Variants in CSMD3 observed in about 807,000 individuals in gnomAD.
CSMD3 encodes the protein CUB and sushi domain-containing protein 3.
A neutral mutation model predicts 435.2 loss-of-function variants in CSMD3; 177 were observed. The observed-to-expected ratio is 0.41, with a 90% CI of 0.36 to 0.46. The LOEUF is 0.46. Among genes scored for constraint, CSMD3 ranks in the 20% least tolerant of loss-of-function variants. The probability of loss-of-function intolerance (pLI) is 0.34; values close to 1 mark genes in which losing one functional copy is unlikely to be tolerated. For missense variants in CSMD3, 4,265 were observed against 4,504.6 expected, an observed-to-expected ratio of 0.95 and a Z score of 1.52; for synonymous variants, 1,656 against 1,520.5, an observed-to-expected ratio of 1.09 and a Z score of -2.07.
intron 3 of CSMD3, among the ~76,000 whole-genome samples, chr8:113,259,456 T>C (rs1200953875): frequency 6.6e-6 from 1 of 152,172 alleles, no homozygotes; most frequent in African/African-American, 2.4e-5. Context: ...AGAATTTATT[T>C]TGAATGACTC....
intron 7 of CSMD3, among the ~76,000 whole-genome samples, chr8:112,969,339 A>G (rs2084553131): frequency 6.6e-6 from 1 of 152,032 alleles, no homozygotes; most frequent in Admixed American, 6.6e-5. Flanking sequence ...TGCTGAATTA[A>G]CCATTCTTAC....
chr8:113,135,342 T>TA, intron 4 of CSMD3, among the ~76,000 whole-genome samples: 1 of 152,060 alleles, frequency 6.6e-6, no homozygotes, highest in South Asian at 2.1e-4. Context: ...ACAATTTAAA[T>TA]AATGTGTCAG....
chr8:112,912,742 C>A (rs138132242), intron 10 of CSMD3, among the ~76,000 whole-genome samples: 2 of 151,848 alleles, frequency 1.3e-5, no homozygotes, highest in Admixed American at 1.3e-4. Flanking sequence ...AGAGCTTCTG[C>A]ACGGCAAAGG....
At chr8:112,374,319 T>C (rs1400718792) in intron 38 of CSMD3, among the ~76,000 whole-genome samples, 1 of 152,156 alleles carries the variant, frequency 6.6e-6, no homozygotes, top group Non-Finnish European at 1.5e-5. Flanking sequence ...TCTCCCCTAT[T>C]ACCTCTCTTT....
chr8:113,178,544 A>G (rs569043482), intron 3 of CSMD3, among the ~76,000 whole-genome samples: 14 of 152,070 alleles, frequency 9.2e-5, no homozygotes, highest in African/African-American at 3.4e-4. Flanking sequence ...GACATGTGGC[A>G]GAAACGAAAC....
intron 10 of CSMD3, among the ~76,000 whole-genome samples, chr8:112,863,688 T>C (rs920617597): frequency 1.3e-5 from 2 of 152,144 alleles, no homozygotes; most frequent in Admixed American, 1.3e-4. Flanking sequence ...GTATTCAATT[T>C]TATTGAGTTC....
rs767361730 is a variant in CSMD3, at chr8:113,278,584, T to A, written c.514+8A>T. 1.5e-6 allele frequency: 2 copies of A among 1,346,076 alleles called. No homozygotes were observed. Among genetic ancestry groups the A allele is most frequent in the African/African-American group, 2.9e-5 (2 of 69,628 alleles). The allele number at this position is 1,346,076 out of a possible 1,614,324, so 83.4% of individuals were successfully genotyped here. On this transcript the variant is annotated splice_region_variant and intron_variant, in intron 3 of 70. Transcript: ENST00000297405. The stretch of plus-strand genomic sequence containing the variant: ...GGCAGTGGTTTGTTTGCCACTACCA[T>A]CACTTACCTTCGTAATATACCTTAA...
At chr8:112,380,317 T>C in intron 38 of CSMD3, 35 bp downstream of exon 38, 1 of 1,135,488 alleles carries the variant, frequency 8.8e-7, no homozygotes, top group Non-Finnish European at 1.3e-6. Flanking sequence ...AACTTGTTCT[T>C]AACCTTTTTG....
intron 1 of CSMD3, among the ~76,000 whole-genome samples, chr8:113,338,602 A>G (rs1230855018): frequency 6.6e-6 from 1 of 152,006 alleles, no homozygotes. Context: ...ACATTATGCC[A>G]AGTGGAATTA....
intron 13 of CSMD3, among the ~76,000 whole-genome samples, chr8:112,727,921 T>C (rs1259247662): frequency 6.6e-6 from 1 of 151,908 alleles, no homozygotes; most frequent in Non-Finnish European, 1.5e-5. Context: ...TAATTAAATC[T>C]TAGTGTCTAA....
intron 35 of CSMD3, among the ~76,000 whole-genome samples, chr8:112,393,961 C>T (rs973267759): frequency 6.6e-6 from 1 of 151,988 alleles, no homozygotes; most frequent in African/African-American, 2.4e-5. Context: ...CACTGTCCCC[C>T]CTTCCATGTC....
intron 44 of CSMD3, 119 bp downstream of exon 44, chr8:112,336,533 T>A: frequency 1.2e-6 from 1 of 814,132 alleles, no homozygotes; most frequent in East Asian, 2.5e-5. Flanking sequence ...CCTCAGTTAC[T>A]CACATCAATT....
intron 59 of CSMD3, among the ~76,000 whole-genome samples, chr8:112,278,270 T>G (rs1165997044): frequency 6.6e-6 from 1 of 152,290 alleles, no homozygotes; most frequent in South Asian, 2.1e-4. Flanking sequence ...GGCTAGAGAG[T>G]GCTTGGTGCT....
intron 13 of CSMD3, among the ~76,000 whole-genome samples, chr8:112,766,781 C>T (rs1563940130): frequency 6.6e-6 from 1 of 151,814 alleles, no homozygotes; most frequent in Non-Finnish European, 1.5e-5. Context: ...AGAAACAGAA[C>T]TTATGTTCCA....
intron 30 of CSMD3, among the ~76,000 whole-genome samples, chr8:112,495,677 A>G (rs1369946582): frequency 1.3e-5 from 2 of 152,134 alleles, no homozygotes; most frequent in Non-Finnish European, 2.9e-5. Flanking sequence ...CAGTAGCTGG[A>G]AAGTGATTTT....
At chr8:112,335,237 T>C (rs1275602602) in intron 45 of CSMD3, 92 bp downstream of exon 45, 14 of 1,264,264 alleles carry the variant, frequency 1.1e-5, no homozygotes, top group Non-Finnish European at 7.9e-6. Flanking sequence ...TAATACCTTT[T>C]CAATCATTGG....
intron 31 of CSMD3, among the ~76,000 whole-genome samples, chr8:112,478,990 C>T (rs963898385): frequency 5.9e-5 from 9 of 152,180 alleles, no homozygotes; most frequent in African/African-American, 1.4e-4. Context: ...CCTGCATCCC[C>T]TCTCCACTGA....
chr8:112,693,369 C>G (rs2076180492), intron 13 of CSMD3, among the ~76,000 whole-genome samples: 1 of 152,042 alleles, frequency 6.6e-6, no homozygotes, highest in Non-Finnish European at 1.5e-5. Context: ...AGAATAGGTC[C>G]TTCTTCATCT....
chr8:112,238,567 T>C (rs1006636348), intron 66 of CSMD3, among the ~76,000 whole-genome samples: 1 of 152,058 alleles, frequency 6.6e-6, no homozygotes, highest in Admixed American at 6.6e-5. Flanking sequence ...TTTGGAGTAA[T>C]GTAATCACTG....
Sources: allele counts gnomAD v4.1 joint callset (sites outside exome capture counted in the v4.1 genomes callset), GRCh38; gene constraint gnomAD v4.1.1; transcripts MANE v1.5; gene names NCBI Gene and HGNC (gene_info 2026-07-23, HGNC 2026-07-21).